Variants in CFAP61 observed in about 807,000 individuals in gnomAD.
CFAP61 encodes cilia and flagella associated protein 61, also known as cilia- and flagella-associated protein 61.
CFAP61 carries 107 observed loss-of-function variants against 135.6 expected under a neutral mutation model. The ratio of observed to expected loss-of-function variants is 0.79; its 90% confidence interval spans 0.67 to 0.93. The LOEUF is 0.93. Ranked by LOEUF, CFAP61 falls within the 40% of genes least tolerant of loss-of-function variation. The pLI, the probability that CFAP61 is intolerant of heterozygous loss-of-function variation, is 0.00. For synonymous variants in CFAP61, 575 were observed against 578.5 expected (o/e 0.99, Z 0.09); for missense variants, 1,507 against 1,556.2 (o/e 0.97, Z 0.53).
chr20:20,183,348 G>C lies in CFAP61; in HGVS notation c.1386-4582G>C, dbSNP rs149297459. 9.9e-3 allele frequency among the ~76,000 whole-genome samples: 1,514 copies of C among 152,198 alleles called. 23 individuals carry two copies. Among genetic ancestry groups the C allele is most frequent in the African/African-American group, 0.035 (1,445 of 41,516 alleles). On this transcript the variant is annotated intron_variant, in intron 13 of 26. Coordinates refer to ENST00000245957, the MANE Select transcript of CFAP61 (RefSeq NM_015585.4). Reference sequence around the variant, plus strand: ...GGCTAATTTTTGTATTTTTAGTAGAGATGGAGTTTCACCATGTCAGCTGGG... The same window carrying C: ...GGCTAATTTTTGTATTTTTAGTAGACATGGAGTTTCACCATGTCAGCTGGG...
chr20:20,106,000 CTATATATA>C lies in CFAP61; in HGVS notation c.859+7229_859+7236del, dbSNP rs10523115. ...CTTCGAAAGCTTTAGCTACTCTTGC[CTATATATA>C]TATATATATATATATATATATATAT... On this transcript the variant is annotated intron_variant, in intron 8 of 26. Transcript: ENST00000245957. Among the ~76,000 whole-genome samples, 191 of 102,522 alleles carry C rather than the reference CTATATATA, an allele frequency of 1.9e-3. 4 individuals carry two copies. The highest frequency in any genetic ancestry group is 0.011 in the East Asian group (20 of 1,792). The allele number at this position is 102,522 out of a possible 152,430, so 67.3% of individuals were successfully genotyped here. A position where few individuals can be genotyped will look rare whatever the true frequency, so the allele number is the denominator to read the frequency against.
chr20:20,303,980 C>T (rs2056271286), intron 25 of CFAP61, among the ~76,000 whole-genome samples: 1 of 152,156 alleles, frequency 6.6e-6, no homozygotes, highest in African/African-American at 2.4e-5. Context: ...CCAATGGGAA[C>T]GGTGGCAGCC....
chr20:20,350,249 G>A (rs1198689394), intron 26 of CFAP61, among the ~76,000 whole-genome samples: 1 of 152,192 alleles, frequency 6.6e-6, no homozygotes, highest in Non-Finnish European at 1.5e-5. Flanking sequence ...AATTACACCT[G>A]CTATAGAAAA....
In CFAP61 at chr20:20,277,409, A is replaced by G. The variant is rs114137612; in HGVS notation, c.2747A>G (p.Tyr916Cys). ...WNDGLHPDPI[Y>C]SASFTTPTKP... ...GACGGCCTGCACCCAGACCCCATCT[A>G]CAGCGCCTCCTTCACCACACCCACC... The change falls in exon 22 of 27, where the codon TAC (tyrosine) becomes TGC (cysteine). Residue 916 changes from tyrosine to cysteine, a missense_variant. By Grantham distance (194) the Tyr-to-Cys change is radical. Coordinates refer to ENST00000245957, the MANE Select transcript of CFAP61 (RefSeq NM_015585.4). 4.3e-6 allele frequency: 7 copies of G among 1,613,956 alleles called. No individual in the cohort carries two copies. The highest frequency in any genetic ancestry group is 4.5e-5 in the East Asian group (2 of 44,866).
chr20:20,343,191 C>T (rs2058510851), intron 26 of CFAP61, among the ~76,000 whole-genome samples: 1 of 152,178 alleles, frequency 6.6e-6, no homozygotes, highest in Non-Finnish European at 1.5e-5. Flanking sequence ...CATGGTAACA[C>T]AGCAAGCTTC....
At position 20,360,407 on chromosome 20, in the gene CFAP61, T is replaced by C; in HGVS notation, c.3711T>C (p.Val1237=). 6.2e-7 allele frequency: 1 copy of C among 1,613,464 alleles called. No homozygotes were observed. Among genetic ancestry groups the C allele is most frequent in the Admixed American group, 1.7e-5 (1 of 60,022 alleles). Residue 1237 remains valine (V), a synonymous_variant, in exon 27 of 27, where the codon GTT becomes GTC. Transcript: ENST00000245957. ...HLPMYAWPGI[V] is the part of the protein sequence containing the mutation. The stretch of plus-strand genomic sequence containing the variant: ...CCATGTACGCGTGGCCAGGCATCGT[T>C]TAGTTGTAGGCAGGGTCTCCCCTTT...
At chr20:20,172,723 G>T (rs376202237) in intron 13 of CFAP61, among the ~76,000 whole-genome samples, 1 of 152,070 alleles carries the variant, frequency 6.6e-6, no homozygotes, top group African/African-American at 2.4e-5. Context: ...ACAGACTCTC[G>T]CATCATGAAC....
intron 9 of CFAP61, among the ~76,000 whole-genome samples, chr20:20,148,605 G>A (rs2052115962): frequency 6.6e-6 from 1 of 152,094 alleles, no homozygotes; most frequent in African/African-American, 2.4e-5. Context: ...ATATTGTAGT[G>A]CTACTGATTT....
intron 19 of CFAP61, among the ~76,000 whole-genome samples, 194 bp downstream of exon 19, chr20:20,246,409 G>A (rs1030775940): frequency 1.3e-5 from 2 of 152,210 alleles, no homozygotes; most frequent in African/African-American, 4.8e-5. Flanking sequence ...GGCAGGCCAG[G>A]GCCACCAGTT....
intron 17 of CFAP61, among the ~76,000 whole-genome samples, chr20:20,224,354 G>A (rs1435883377): frequency 7.3e-5 from 11 of 151,512 alleles, no homozygotes; most frequent in Admixed American, 7.2e-4. Context: ...ATTCCTCCCC[G>A]CCCCGCAACC....
At chr20:20,327,032 T>C (rs370316686) in intron 25 of CFAP61, among the ~76,000 whole-genome samples, 2 of 152,130 alleles carry the variant, frequency 1.3e-5, no homozygotes, top group African/African-American at 4.8e-5. Context: ...CTGCTGTAGA[T>C]GGAATCTTTT....
chr20:20,232,226 AG>A (rs972612896), intron 18 of CFAP61, among the ~76,000 whole-genome samples: 1 of 152,116 alleles, frequency 6.6e-6, no homozygotes, highest in African/African-American at 2.4e-5. Flanking sequence ...AAACCCTCTC[AG>A]GGTGAGATCT....
At chr20:20,152,057 T>C (rs2052480970) in intron 9 of CFAP61, among the ~76,000 whole-genome samples, 1 of 152,146 alleles carries the variant, frequency 6.6e-6, no homozygotes, top group South Asian at 2.1e-4. Context: ...GATTGGGTCC[T>C]ATCTTTAGCT....
chr20:20,140,104 G>A (rs2051250352), intron 8 of CFAP61, among the ~76,000 whole-genome samples: 1 of 147,750 alleles, frequency 6.8e-6, no homozygotes, highest in Non-Finnish European at 1.5e-5. Flanking sequence ...ACGGGGAGAT[G>A]AGGGGAACCT....
intron 8 of CFAP61, among the ~76,000 whole-genome samples, chr20:20,141,070 C>T (rs923986490): frequency 6.6e-6 from 1 of 151,992 alleles, no homozygotes; most frequent in African/African-American, 2.4e-5. Flanking sequence ...AGGTGTGCAC[C>T]ACCATGCCCG....
intron 6 of CFAP61, 30 bp downstream of exon 6, chr20:20,075,645 T>C: frequency 6.2e-7 from 1 of 1,609,576 alleles, no homozygotes; most frequent in Non-Finnish European, 8.5e-7. Context: ...TTGTGTGACC[T>C]AAGCTTCACT....
At chr20:20,324,802 T>C (rs2122270638) in intron 25 of CFAP61, among the ~76,000 whole-genome samples, 1 of 152,298 alleles carries the variant, frequency 6.6e-6, no homozygotes, top group Admixed American at 6.5e-5. Flanking sequence ...CTCTCTTCAG[T>C]GTCCACTGAA....
intron 24 of CFAP61, among the ~76,000 whole-genome samples, chr20:20,296,284 CCCTTCCCT>C (rs1298495011): frequency 2.9e-4 from 5 of 17,062 alleles, no homozygotes; most frequent in Admixed American, 2.0e-3. Context: ...CTTCCCTCAT[CCCTTCCCT>C]CCTTCCCTTC....
intron 15 of CFAP61, among the ~76,000 whole-genome samples, chr20:20,193,822 C>A (rs2056097849): frequency 6.6e-6 from 1 of 152,130 alleles, no homozygotes; most frequent in African/African-American, 2.4e-5. Context: ...CCATGTTGGC[C>A]AGTCTGGTCT....
Sources: allele counts gnomAD v4.1 joint callset (sites outside exome capture counted in the v4.1 genomes callset), GRCh38; gene constraint gnomAD v4.1.1; transcripts MANE v1.5; gene names NCBI Gene and HGNC (gene_info 2026-07-23, HGNC 2026-07-21).